UNC13C: variants seen among roughly 807,000 people sequenced by gnomAD.
UNC13C encodes the protein protein unc-13 homolog C.
UNC13C carries 174 observed loss-of-function variants against 245.4 expected under a neutral mutation model. That is an observed-to-expected ratio of 0.71 (90% CI 0.63 to 0.80). The LOEUF (loss-of-function observed/expected upper bound fraction) is 0.80, where lower values mean the gene tolerates loss of function less well. UNC13C is among the 30% of genes least tolerant of loss of function. The pLI is 0.00. For missense variants in UNC13C, 2,829 were observed against 2,602.9 expected, an observed-to-expected ratio of 1.09 and a Z score of -1.89; for synonymous variants, 992 against 895.1, an observed-to-expected ratio of 1.11 and a Z score of -1.93.
chr15:53,841,202 A>T, the UNC13C span, among the ~76,000 whole-genome samples: 1 of 152,138 alleles, frequency 6.6e-6, no homozygotes, highest in Non-Finnish European at 1.5e-5. Flanking sequence ...AAAAAAACTG[A>T]GATTAAAACA....
intron 26 of UNC13C, among the ~76,000 whole-genome samples, chr15:54,538,487 A>G (rs1896095264): frequency 6.6e-6 from 1 of 152,108 alleles, no homozygotes; most frequent in African/African-American, 2.4e-5. Context: ...CAGCAATTCC[A>G]TTACTGGGCA....
chr15:54,502,110 A>G (rs1894244113), intron 22 of UNC13C, among the ~76,000 whole-genome samples: 1 of 152,166 alleles, frequency 6.6e-6, no homozygotes, highest in African/African-American at 2.4e-5. Flanking sequence ...GTCTGATTCC[A>G]TGGATTGAAT....
At chr15:54,235,975 C>T (rs1224639259) in intron 5 of UNC13C, among the ~76,000 whole-genome samples, 1 of 151,222 alleles carries the variant, frequency 6.6e-6, no homozygotes, top group Non-Finnish European at 1.5e-5. Context: ...GCTGCAGCCA[C>T]CTTGATAAAT....
intron 1 of UNC13C, among the ~76,000 whole-genome samples, chr15:53,981,179 A>G (rs1176510490): frequency 2.0e-5 from 3 of 152,160 alleles, no homozygotes; most frequent in Admixed American, 6.5e-5. Flanking sequence ...AGCTAATGCA[A>G]TGCATAAACC....
chr15:53,840,743 G>A, the UNC13C span, among the ~76,000 whole-genome samples: 4 of 152,120 alleles, frequency 2.6e-5, no homozygotes. Context: ...TCAAGTTTGG[G>A]ATGGAAGGAC....
chr15:54,107,636 C>T (rs865775068), intron 2 of UNC13C, among the ~76,000 whole-genome samples: 3 of 152,262 alleles, frequency 2.0e-5, no homozygotes, highest in Non-Finnish European at 4.4e-5. Context: ...ATTGATGCTG[C>T]TTCTTTTATG....
At chr15:54,476,795 CT>C (rs560706820) in intron 19 of UNC13C, among the ~76,000 whole-genome samples, 85 of 149,564 alleles carry the variant, frequency 5.7e-4, no homozygotes, top group Admixed American at 3.6e-3. Context: ...GATGCGGGCT[CT>C]TTTTTGGTTC....
chr15:54,419,798 A>G (rs1301910374), intron 19 of UNC13C, among the ~76,000 whole-genome samples: 1 of 151,902 alleles, frequency 6.6e-6, no homozygotes, highest in East Asian at 1.9e-4. Flanking sequence ...TTTGTTTCAG[A>G]TGGTATTAGA....
chr15:54,119,870 C>G (rs1382435374), intron 2 of UNC13C, among the ~76,000 whole-genome samples: 2 of 152,100 alleles, frequency 1.3e-5, no homozygotes, highest in African/African-American at 4.8e-5. Context: ...TAAGCCAAAG[C>G]CTAATTCACA....
chr15:54,434,739 C>G (rs1029846021), intron 19 of UNC13C, among the ~76,000 whole-genome samples: 19 of 152,134 alleles, frequency 1.2e-4, no homozygotes, highest in African/African-American at 4.1e-4. Context: ...CAAATGGGAT[C>G]TAATTAAACT....
the UNC13C span, among the ~76,000 whole-genome samples, chr15:53,862,519 T>C: frequency 6.6e-6 from 1 of 152,172 alleles, no homozygotes; most frequent in African/African-American, 2.4e-5. Flanking sequence ...AGAATGCTAT[T>C]ATTCTATCAG....
intron 4 of UNC13C, among the ~76,000 whole-genome samples, chr15:54,158,963 T>C (rs2032864428): frequency 6.6e-6 from 1 of 152,180 alleles, no homozygotes. Context: ...ATTAGCTTTG[T>C]TATCTCCTCA....
At chr15:54,085,282 T>G (rs1899173360) in intron 2 of UNC13C, among the ~76,000 whole-genome samples, 1 of 152,210 alleles carries the variant, frequency 6.6e-6, no homozygotes, top group African/African-American at 2.4e-5. Context: ...CATTTACCGA[T>G]TCTAGAAGTG....
At chr15:54,422,030 C>G (rs1432883675) in intron 19 of UNC13C, among the ~76,000 whole-genome samples, 1 of 152,026 alleles carries the variant, frequency 6.6e-6, no homozygotes, top group Non-Finnish European at 1.5e-5. Flanking sequence ...CATTAGACAT[C>G]TCTAACTTAA....
chr15:54,493,969 T>C (rs1480908899), intron 19 of UNC13C, among the ~76,000 whole-genome samples: 1 of 152,114 alleles, frequency 6.6e-6, no homozygotes, highest in African/African-American at 2.4e-5. Context: ...AAGATAACTT[T>C]AGGTAAACCT....
intron 2 of UNC13C, among the ~76,000 whole-genome samples, chr15:54,122,840 G>A (rs2030767044): frequency 6.6e-6 from 1 of 151,994 alleles, no homozygotes; most frequent in African/African-American, 2.4e-5. Context: ...AGCAAAATTT[G>A]TTTATACATT....
At chr15:54,300,839 C>A (rs1423461568) in intron 13 of UNC13C, among the ~76,000 whole-genome samples, 1 of 152,116 alleles carries the variant, frequency 6.6e-6, no homozygotes, top group African/African-American at 2.4e-5. Context: ...GAGACAGGTC[C>A]AGAGCTATTA....
chr15:54,084,605 T>G (rs1899135069), intron 2 of UNC13C, among the ~76,000 whole-genome samples: 1 of 152,234 alleles, frequency 6.6e-6, no homozygotes, highest in African/African-American at 2.4e-5. Context: ...AGCTTTAGTT[T>G]TCTCGTTAGT....
chr15:54,203,006 T>C (rs1412648220), intron 4 of UNC13C, among the ~76,000 whole-genome samples: 2 of 151,572 alleles, frequency 1.3e-5, no homozygotes, highest in Non-Finnish European at 2.9e-5. Flanking sequence ...GCTAAGGACA[T>C]AAATATACAA....
Sources: allele counts gnomAD v4.1 joint callset (sites outside exome capture counted in the v4.1 genomes callset), GRCh38; gene constraint gnomAD v4.1.1; transcripts MANE v1.5; gene names NCBI Gene and HGNC (gene_info 2026-07-23, HGNC 2026-07-21).